PPARA: variants seen among roughly 807,000 people sequenced by gnomAD.
PPARA encodes the protein peroxisome proliferator-activated receptor alpha.
In PPARA, 22 loss-of-function variants were observed where a neutral mutation model predicts 42.2. The ratio of observed to expected loss-of-function variants is 0.52; its 90% CI spans 0.37 to 0.74. The LOEUF (loss-of-function observed/expected upper bound fraction) is 0.74, where lower values mean the gene tolerates loss of function less well. PPARA is among the 30% of genes least tolerant of loss of function. The pLI is 0.00. For missense variants in PPARA, 465 were observed against 608.2 expected, an observed-to-expected ratio of 0.76 and a Z score of 2.48; for synonymous variants, 242 against 239.3, an observed-to-expected ratio of 1.01 and a Z score of -0.10.
chr22:46,186,987 C>A (rs950375239), intron 3 of PPARA, among the ~76,000 whole-genome samples: 5 of 152,196 alleles, frequency 3.3e-5, no homozygotes, highest in African/African-American at 1.2e-4. Flanking sequence ...CTTCCTCTCT[C>A]TCTCAGAATA....
intron 4 of PPARA, among the ~76,000 whole-genome samples, chr22:46,201,364 C>T (rs1267401925): frequency 6.6e-6 from 1 of 152,086 alleles, no homozygotes; most frequent in Non-Finnish European, 1.5e-5. Flanking sequence ...TGGGAGTGAC[C>T]CTGACAGACC....
chr22:46,202,841 C>T (rs1168502787), intron 4 of PPARA, among the ~76,000 whole-genome samples: 1 of 150,426 alleles, frequency 6.6e-6, no homozygotes, highest in African/African-American at 2.4e-5. Context: ...CCAGCCTGGG[C>T]AACAGAGTGA....
At position 46,165,097 on chromosome 22, in the gene PPARA, A is replaced by G. The variant is rs1428957550; in HGVS notation, c.-126-11656A>G. On this transcript the variant is annotated intron_variant, in intron 2 of 8. Coordinates refer to ENST00000407236, the MANE Select transcript of PPARA (RefSeq NM_005036.6). This position sits in a 1 kb window ranked among gnomAD's most constrained non-coding sequence, Gnocchi z 5.5. ...GTTGCCCAGGCTAGAGTGCAATGCC[A>G]TGATCTCGGCTCACTGCAACCTCTG... 6.6e-6 allele frequency: 1 copy of G among 152,224 alleles called. No homozygotes were observed. The highest frequency in any genetic ancestry group is 6.5e-5 in the Admixed American group (1 of 15,272). 9.4% of individuals were successfully genotyped at this position (152,224 alleles called of 1,614,324 possible).
At chr22:46,213,621 G>A (rs915959128) in intron 4 of PPARA, among the ~76,000 whole-genome samples, 16 of 145,796 alleles carry the variant, frequency 1.1e-4, no homozygotes, top group Non-Finnish European at 3.0e-5. Context: ...ATGAAGTCTC[G>A]CTCTGTCACC....
Position 46,218,381 on chromosome 22 carries a change from CTGTCGGGA to C in PPARA, c.493_500del (p.Gly165ThrfsTer13). 6.2e-7 allele frequency: 1 copy of C among 1,614,136 alleles called. No homozygotes were observed. Among genetic ancestry groups the C allele is most frequent in the Non-Finnish European group, 8.5e-7 (1 of 1,180,016 alleles). ...TATTGTCGATTTCACAAGTGCCTTTCTGTCGGGATGTCACACAACGGTAGGTAAGGTGG... is the reference window on the plus strand; with the variant it reads ...TATTGTCGATTTCACAAGTGCCTTTCTGTCACACAACGGTAGGTAAGGTGG... On this transcript the variant is annotated frameshift_variant, in exon 6 of 9. Transcript: ENST00000407236. LOFTEE classifies it high-confidence loss of function.
At chr22:46,181,981 G>C (rs1224188553) in intron 3 of PPARA, among the ~76,000 whole-genome samples, 1 of 152,182 alleles carries the variant, frequency 6.6e-6, no homozygotes, top group Non-Finnish European at 1.5e-5. Flanking sequence ...TGGGAGTACG[G>C]GTGTGCACCA....
At position 46,160,247 on chromosome 22, in the gene PPARA, G is replaced by A. The variant is rs1028467593; in HGVS notation, c.-127+8277G>A. Among the ~76,000 whole-genome samples, 4 of 152,324 alleles carry A rather than the reference G, an allele frequency of 2.6e-5. No individual in the cohort carries two copies. The highest frequency in any genetic ancestry group is 9.6e-5 in the African/African-American group (4 of 41,572). On this transcript the variant is annotated intron_variant, in intron 2 of 8. Coordinates refer to ENST00000407236, the MANE Select transcript of PPARA (RefSeq NM_005036.6). This position sits in a 1 kb window ranked among gnomAD's most constrained non-coding sequence, Gnocchi z 4.5. ...GTCCCAGGCTTCACGTGGGAACAGA[G>A]AATGTGAAGAGTATTTAGCAGGATG...
In PPARA at chr22:46,156,428, T is replaced by A. The variant is rs574073309; in HGVS notation, c.-127+4458T>A. The stretch of plus-strand genomic sequence containing the variant: ...ACCGCTGGCTCCTGCCTTTCTCACT[T>A]AGCCAGGTCTGATACCTGTGTTGTT... On this transcript the variant is annotated intron_variant, in intron 2 of 8. Transcript: ENST00000407236. This position sits in a 1 kb window ranked among gnomAD's most constrained non-coding sequence, Gnocchi z 5.2. 3 of 152,354 alleles carry A rather than the reference T, an allele frequency of 2.0e-5. No individual in the cohort carries two copies. In the South Asian group the frequency reaches 6.2e-4, roughly 32 times the overall value. The allele number at this position is 152,354 out of a possible 1,614,324, so 9.4% of individuals were successfully genotyped here.
At chr22:46,186,043 G>C (rs994362632) in intron 3 of PPARA, among the ~76,000 whole-genome samples, 13 of 141,476 alleles carry the variant, frequency 9.2e-5, no homozygotes, top group Middle Eastern at 7.9e-3. Context: ...TCTTGGTCTT[G>C]AGCAAATTTT....
chr22:46,166,632 CAAAA>C (rs59559780), intron 2 of PPARA, among the ~76,000 whole-genome samples: 1 of 143,632 alleles, frequency 7.0e-6, no homozygotes, highest in South Asian at 2.2e-4. Context: ...AAAAAAAAAA[CAAAA>C]AACAGTAATC....
Position 46,240,850 on chromosome 22 carries a change from G to A in PPARA, c.*5470G>A, listed in dbSNP as rs537732494. On this transcript the variant is annotated 3_prime_UTR_variant, in exon 9 of 9. Coordinates refer to ENST00000407236, the MANE Select transcript of PPARA (RefSeq NM_005036.6). The surrounding 1 kb of genome is among the most constrained non-coding windows in gnomAD (Gnocchi z 6.0). ...ATATTTGCATCGAGCAAAGGGGGCT[G>A]TGTGCACCTCCCTAATGGCAGCGAT... 1 of 152,256 alleles carries A rather than the reference G, an allele frequency of 6.6e-6. No individual in the cohort carries two copies. The highest frequency in any genetic ancestry group is 1.5e-5 in the Non-Finnish European group (1 of 68,058). The allele number at this position is 152,256 out of a possible 1,614,324, so 9.4% of individuals were successfully genotyped here.
In PPARA at chr22:46,192,500, T is replaced by A. The variant is rs1194579044; in HGVS notation, c.-42-5842T>A. Among the ~76,000 whole-genome samples, 1 of 152,212 alleles carries A rather than the reference T, an allele frequency of 6.6e-6. No individual in the cohort carries two copies. The highest frequency in any genetic ancestry group is 2.4e-5 in the African/African-American group (1 of 41,444). ...ACTTCCTCTTGTATTTGTCTGTTTT[T>A]AAGTGTTCTACAATTTTCATATACT... is the stretch of plus-strand genomic sequence containing the variant. On this transcript the variant is annotated intron_variant, in intron 3 of 8. Coordinates refer to ENST00000407236, the MANE Select transcript of PPARA (RefSeq NM_005036.6). The surrounding 1 kb of genome is among the most constrained non-coding windows in gnomAD (Gnocchi z 4.3).
rs71192405 is a variant in PPARA at position 46,232,981 on chromosome 22, CA to C, written c.1159+762del. 0.34 allele frequency among the ~76,000 whole-genome samples: 31,646 copies of C among 93,522 alleles called. 5,500 individuals are homozygous for C. Among genetic ancestry groups the C allele is most frequent in the African/African-American group, 0.59 (16,436 of 28,080 alleles). The allele number at this position is 93,522 out of a possible 152,430, so 61.4% of individuals were successfully genotyped here. On this transcript the variant is annotated intron_variant, in intron 8 of 8. Transcript: ENST00000407236. The surrounding 1 kb of genome is among the most constrained non-coding windows in gnomAD (Gnocchi z 5.3). ...TGGGCGACGAAGAATGACCCTGTCT[CA>C]AAAAAAAAAAAAAAAAAAATTATAC...
At position 46,173,520 on chromosome 22, in the gene PPARA, T is replaced by G. The variant is rs1053407733; in HGVS notation, c.-126-3233T>G. Among the ~76,000 whole-genome samples, 1 of 152,222 alleles carries G rather than the reference T, an allele frequency of 6.6e-6. No homozygotes were observed. The highest frequency in any genetic ancestry group is 1.5e-5 in the Non-Finnish European group (1 of 68,044). Reference sequence around the variant, plus strand: ...AGTCAGTACTAAGGCAGCTGCTACATTCTGTTTGCCAAGGGGAAGAAGAAA... The same window carrying G: ...AGTCAGTACTAAGGCAGCTGCTACAGTCTGTTTGCCAAGGGGAAGAAGAAA... On this transcript the variant is annotated intron_variant, in intron 2 of 8. Coordinates refer to ENST00000407236, the MANE Select transcript of PPARA (RefSeq NM_005036.6). This position sits in a 1 kb window ranked among gnomAD's most constrained non-coding sequence, Gnocchi z 4.3.
intron 4 of PPARA, among the ~76,000 whole-genome samples, chr22:46,214,305 C>A (rs897321607): frequency 6.7e-6 from 1 of 149,940 alleles, no homozygotes; most frequent in Admixed American, 6.6e-5. Context: ...CCGAGATGTG[C>A]GGGTCCGATG....
rs1027579698 is a variant in PPARA, at chr22:46,221,086, T to G, written c.711+1072T>G. On this transcript the variant is annotated intron_variant, in intron 7 of 8. Coordinates refer to ENST00000407236, the MANE Select transcript of PPARA (RefSeq NM_005036.6). This position sits in a 1 kb window ranked among gnomAD's most constrained non-coding sequence, Gnocchi z 5.9. ...CAAGGCTGTACAGGAAGCTTCTGCT[T>G]CTGGGGAGGCCTCAGGGAATTTGAC... Among the ~76,000 whole-genome samples the G allele has an allele frequency of 6.6e-6, 1 of 152,174 alleles. No individual in the cohort carries two copies. Among genetic ancestry groups the G allele is most frequent in the Non-Finnish European group, 1.5e-5 (1 of 68,046 alleles).
intron 4 of PPARA, among the ~76,000 whole-genome samples, chr22:46,207,683 T>TATTA (rs1569228343): frequency 1.8e-5 from 2 of 112,314 alleles, no homozygotes; most frequent in Non-Finnish European, 3.5e-5. Context: ...TATTATTTTT[T>TATTA]TTTTTTTTTT....
At chr22:46,189,756 A>G (rs1439501392) in intron 3 of PPARA, among the ~76,000 whole-genome samples, 1 of 149,004 alleles carries the variant, frequency 6.7e-6, no homozygotes, top group African/African-American at 2.5e-5. Flanking sequence ...ACCAGGCTGG[A>G]GTGCAGTGGC....
chr22:46,202,190 T>A (rs1035441696), intron 4 of PPARA, among the ~76,000 whole-genome samples: 1 of 152,148 alleles, frequency 6.6e-6, no homozygotes. Context: ...CAGGACCCCT[T>A]ATTCTGTGCT....
Sources: allele counts gnomAD v4.1 joint callset (sites outside exome capture counted in the v4.1 genomes callset), GRCh38; gene constraint gnomAD v4.1.1; non-coding constraint Gnocchi (gnomAD v3.1); transcripts MANE v1.5; gene names NCBI Gene and HGNC (gene_info 2026-07-23, HGNC 2026-07-21).